The following NALF1 variants were observed in gnomAD, a reference collection of about 807,000 sequenced individuals.
NALF1 encodes the protein NALCN channel auxiliary factor 1.
NALF1 carries 3 observed loss-of-function variants against 48.4 expected under a neutral mutation model. The ratio of observed to expected loss-of-function variants is 0.06; its 90% CI spans 0.03 to 0.16. The LOEUF is 0.16. Ranked by LOEUF, NALF1 falls within the 10% of genes least tolerant of loss-of-function variation. The pLI, the probability that NALF1 is intolerant of heterozygous loss-of-function variation, is 1.00. For missense variants in NALF1, 526 were observed against 571.5 expected, an observed-to-expected ratio of 0.92 and a Z score of 0.81; for synonymous variants, 262 against 245.7, an observed-to-expected ratio of 1.07 and a Z score of -0.62.
chr13:107,796,672 C>T (rs1300063762), intron 1 of NALF1, among the ~76,000 whole-genome samples: 1 of 151,928 alleles, frequency 6.6e-6, no homozygotes, highest in Admixed American at 6.6e-5. Flanking sequence ...TAGGGTGGTC[C>T]TTCCTCCTTC....
rs145383234 is a variant in NALF1 at position 107,852,051 on chromosome 13, C to T, written c.915+13631G>A. Among the ~76,000 whole-genome samples, 976 of 151,916 alleles carry T rather than the reference C, an allele frequency of 6.4e-3. 8 individuals carry two copies. Among genetic ancestry groups the T allele is most frequent in the African/African-American group, 0.022 (923 of 41,438 alleles). On this transcript the variant is annotated intron_variant, in intron 1 of 2. Transcript: ENST00000375915. ...TCCTGGCCTCAAACAATCCTCCTGC[C>T]TCAGCCTCCCAAAGTGCTGGGATTA...
chr13:107,697,222 C>G (rs766542590), intron 1 of NALF1, among the ~76,000 whole-genome samples: 1 of 152,004 alleles, frequency 6.6e-6, no homozygotes, highest in Non-Finnish European at 1.5e-5. Flanking sequence ...GTATCTAACC[C>G]TTCAAAAGAA....
In NALF1 at chr13:107,866,094, A is replaced by G. The variant is rs1292283617; in HGVS notation, c.503T>C (p.Leu168Pro). The change falls in exon 1 of 3, where the codon CTG becomes CCG. Residue 168 changes from leucine (L) to proline (P), a missense_variant. By Grantham distance (98) the Leu-to-Pro change is moderately conservative. Coordinates refer to ENST00000375915, the MANE Select transcript of NALF1 (RefSeq NM_001080396.3). This position sits in a 1 kb window ranked among gnomAD's most constrained non-coding sequence, Gnocchi z 4.4. ...LGNSAKPVWR[L>P]ETCYPQGASS... ...CGCGCCCTGGGGGTAACAAGTCTCCAGGCGCCACACGGGCTTGGCAGAGTT... is the reference window on the plus strand; with the variant it reads ...CGCGCCCTGGGGGTAACAAGTCTCCGGGCGCCACACGGGCTTGGCAGAGTT... 11 of 1,612,704 alleles carry G rather than the reference A, an allele frequency of 6.8e-6. No homozygotes were observed. The highest frequency in any genetic ancestry group is 9.3e-6 in the Non-Finnish European group (11 of 1,179,896).
At chr13:107,600,479 T>C (rs1189889476) in intron 1 of NALF1, among the ~76,000 whole-genome samples, 5 of 152,230 alleles carry the variant, frequency 3.3e-5, no homozygotes, top group Non-Finnish European at 5.9e-5. Flanking sequence ...ATATTCTAAC[T>C]ATGTTATTTT....
chr13:107,419,871 ATC>A (rs1422006282), intron 1 of NALF1, among the ~76,000 whole-genome samples: 1 of 152,184 alleles, frequency 6.6e-6, no homozygotes, highest in Non-Finnish European at 1.5e-5. Context: ...TTAATTCTCA[ATC>A]TCTCTGGAAA....
At chr13:107,794,601 A>T (rs1360425963) in intron 1 of NALF1, among the ~76,000 whole-genome samples, 2 of 151,568 alleles carry the variant, frequency 1.3e-5, no homozygotes, top group Admixed American at 6.6e-5. Context: ...CCTGATATGC[A>T]ATGCCAGTTT....
chr13:107,793,568 A>G (rs959212048), intron 1 of NALF1, among the ~76,000 whole-genome samples: 2 of 152,228 alleles, frequency 1.3e-5, no homozygotes, highest in Admixed American at 6.5e-5. Flanking sequence ...TCCTGCTTCT[A>G]TTAAGAAGCA....
intron 1 of NALF1, among the ~76,000 whole-genome samples, chr13:107,318,520 T>C (rs1182920339): frequency 6.6e-6 from 1 of 152,134 alleles, no homozygotes; most frequent in Non-Finnish European, 1.5e-5. Context: ...AATGGGAATT[T>C]AGATTTCTAC....
chr13:107,729,588 T>C (rs893833152), intron 1 of NALF1, among the ~76,000 whole-genome samples: 2 of 152,100 alleles, frequency 1.3e-5, no homozygotes, highest in Admixed American at 6.5e-5. Flanking sequence ...GCGATTCTCC[T>C]GCCTTGGCCT....
At chr13:107,304,272 T>C (rs951252024) in intron 1 of NALF1, among the ~76,000 whole-genome samples, 6 of 152,132 alleles carry the variant, frequency 3.9e-5, no homozygotes, top group African/African-American at 1.4e-4. Flanking sequence ...CACATGTAAG[T>C]CCTGGAAATA....
intron 1 of NALF1, among the ~76,000 whole-genome samples, chr13:107,708,831 A>C (rs987122149): frequency 6.6e-6 from 1 of 152,018 alleles, no homozygotes. Context: ...TCAACCCATC[A>C]CCTAGGTATT....
At chr13:107,744,038 G>A (rs959363944) in intron 1 of NALF1, among the ~76,000 whole-genome samples, 1 of 152,194 alleles carries the variant, frequency 6.6e-6, no homozygotes, top group Non-Finnish European at 1.5e-5. Context: ...ACAGACTTAA[G>A]AGTACAGCAG....
At chr13:107,771,718 C>G (rs1429459733) in intron 1 of NALF1, among the ~76,000 whole-genome samples, 4 of 152,042 alleles carry the variant, frequency 2.6e-5, no homozygotes, top group Non-Finnish European at 4.4e-5. Context: ...GTCCAGATAT[C>G]CAGATATCTG....
intron 1 of NALF1, among the ~76,000 whole-genome samples, chr13:107,742,423 T>A (rs1251164610): frequency 6.6e-6 from 1 of 152,182 alleles, no homozygotes; most frequent in Non-Finnish European, 1.5e-5. Flanking sequence ...AATTGAATCA[T>A]GGGGGCGGTT....
intron 1 of NALF1, among the ~76,000 whole-genome samples, chr13:107,513,571 GGAT>G (rs971477379): frequency 5.9e-5 from 9 of 151,748 alleles, no homozygotes; most frequent in African/African-American, 2.2e-4. Flanking sequence ...TGTCTTTGAA[GGAT>G]GAAGGTAAAC....
At chr13:107,820,183 C>T (rs1247326750) in intron 1 of NALF1, among the ~76,000 whole-genome samples, 1 of 152,152 alleles carries the variant, frequency 6.6e-6, no homozygotes, top group Non-Finnish European at 1.5e-5. Context: ...CATTTGTATA[C>T]TCTACAGTGC....
intron 1 of NALF1, among the ~76,000 whole-genome samples, chr13:107,578,187 G>A (rs7336852): frequency 0.32 from 48,393 of 151,690 alleles, 8,235 homozygotes; most frequent in African/African-American, 0.43. Flanking sequence ...CATTCCGTTT[G>A]TTGACATGTT....
At chr13:107,504,770 C>T (rs1219008767) in intron 1 of NALF1, among the ~76,000 whole-genome samples, 4 of 152,300 alleles carry the variant, frequency 2.6e-5, no homozygotes, top group South Asian at 2.1e-4. Flanking sequence ...GCCATCATTG[C>T]ATCTGCTGCC....
intron 1 of NALF1, among the ~76,000 whole-genome samples, chr13:107,655,949 C>T (rs1158919684): frequency 1.3e-5 from 2 of 152,054 alleles, no homozygotes; most frequent in African/African-American, 4.8e-5. Flanking sequence ...GGATAATTGG[C>T]TAGCCACATG....
Sources: gnomAD v4.1 joint callset for allele counts (sites outside exome capture counted in the v4.1 genomes callset) on GRCh38, gnomAD v4.1.1 for gene constraint, Gnocchi (gnomAD v3.1) non-coding constraint, MANE v1.5 for transcripts, NCBI Gene and HGNC (gene_info 2026-07-23, HGNC 2026-07-21) for gene names.